The following CCDC7 variants were observed in gnomAD, a reference collection of about 807,000 sequenced individuals.
CCDC7 encodes the protein coiled-coil domain containing 7, also known as coiled-coil domain-containing protein 7.
CCDC7 carries 183 observed loss-of-function variants against 196.9 expected under a neutral mutation model. The observed-to-expected ratio is 0.93, with a 90% CI of 0.82 to 1.05. The LOEUF is 1.05. Ranked by LOEUF, CCDC7 falls within the 50% of genes least tolerant of loss-of-function variation. The pLI is 0.00. For synonymous variants in CCDC7, 525 were observed against 484.6 expected (o/e 1.08, Z -1.10); for missense variants, 1,540 against 1,482.2 (o/e 1.04, Z -0.64).
At chr10:32,644,788 C>A (rs2067460915) in intron 20 of CCDC7, among the ~76,000 whole-genome samples, 1 of 152,318 alleles carries the variant, frequency 6.6e-6, no homozygotes, top group East Asian at 1.9e-4. Context: ...CACCTTCTGA[C>A]ATGATTGTAA....
At chr10:32,676,458 G>A (rs189800709) in intron 21 of CCDC7, among the ~76,000 whole-genome samples, 1,631 of 150,190 alleles carry the variant, frequency 0.011, 14 homozygotes, top group Non-Finnish European at 0.015. Context: ...GAAAATTTTC[G>A]CAACCTACTC....
At chr10:32,464,153 G>C (rs959102876) in intron 5 of CCDC7, among the ~76,000 whole-genome samples, 1 of 152,070 alleles carries the variant, frequency 6.6e-6, no homozygotes, top group Non-Finnish European at 1.5e-5. Flanking sequence ...CATCTCCAAA[G>C]ATCTCTTGGC....
intron 18 of CCDC7, among the ~76,000 whole-genome samples, chr10:32,608,289 T>G (rs1425874640): frequency 6.6e-6 from 1 of 152,148 alleles, no homozygotes; most frequent in Non-Finnish European, 1.5e-5. Flanking sequence ...TTTTAGTATC[T>G]GTGTTTTAGT....
intron 20 of CCDC7, among the ~76,000 whole-genome samples, chr10:32,660,807 C>T (rs1235011759): frequency 1.3e-5 from 2 of 150,266 alleles, no homozygotes; most frequent in African/African-American, 2.5e-5. Flanking sequence ...TTCCTTACAC[C>T]TTATACAAAA....
intron 20 of CCDC7, among the ~76,000 whole-genome samples, chr10:32,646,395 T>C (rs146130492): frequency 0.041 from 6,295 of 152,258 alleles, 131 homozygotes; most frequent in Middle Eastern, 0.065. Context: ...AAAATATACT[T>C]CATATGATTT....
intron 8 of CCDC7, chr10:32,481,746 G>A (rs936962644): frequency 2.0e-5 from 3 of 152,142 alleles, no homozygotes; most frequent in Non-Finnish European, 4.4e-5. Context: ...GTCAGAGAAA[G>A]TATCACTCCT....
At chr10:32,761,288 C>T (rs1393429848) in intron 28 of CCDC7, among the ~76,000 whole-genome samples, 1 of 151,896 alleles carries the variant, frequency 6.6e-6, no homozygotes, top group Non-Finnish European at 1.5e-5. Context: ...TGTGCAGCTA[C>T]TAATAAAGGA....
At chr10:32,761,677 A>C (rs2077487603) in intron 28 of CCDC7, among the ~76,000 whole-genome samples, 1 of 151,986 alleles carries the variant, frequency 6.6e-6, no homozygotes, top group African/African-American at 2.4e-5. Context: ...CCAGAGTCTC[A>C]TCCTGTGAGT....
At chr10:32,824,546 T>A in exon 32 of CCDC7, 3 of 1,612,036 alleles carry the variant, frequency 1.9e-6, no homozygotes, top group Non-Finnish European at 2.5e-6. Context: ...ATAGTACAAC[T>A]GAGAGAGGTA....
At chr10:32,629,964 T>C (rs1176166042) in intron 18 of CCDC7, among the ~76,000 whole-genome samples, 4 of 152,312 alleles carry the variant, frequency 2.6e-5, no homozygotes, top group East Asian at 1.9e-4. Context: ...TTTGGAGTTA[T>C]TGCTGAAGCA....
chr10:32,506,686 C>T lies in CCDC7; in HGVS notation c.873-11259C>T, dbSNP rs544970666. 2.0e-5 allele frequency among the ~76,000 whole-genome samples: 3 copies of T among 152,180 alleles called. No individual in the cohort carries two copies. The South Asian group carries it at 6.2e-4, about 32-fold the overall frequency. ...AGTCAACACGGCGAAACCCCATCTC[C>T]ACCAAAAATACAAAAATCAGTCAGT... On this transcript the variant is annotated intron_variant, in intron 9 of 41. Transcript: ENST00000639629.
At position 32,699,338 on chromosome 10, in the gene CCDC7, A is replaced by G. The variant is rs555821495; in HGVS notation, c.2458+4346A>G. On this transcript the variant is annotated intron_variant, in intron 24 of 41. Transcript: ENST00000639629. ...TTGTCCTTGCCATAGTTTGCTGAGAATGATGGTTTCCAGCTTCATCTATGT... is the reference window on the plus strand; with the variant it reads ...TTGTCCTTGCCATAGTTTGCTGAGAGTGATGGTTTCCAGCTTCATCTATGT... Among the ~76,000 whole-genome samples the G allele has an allele frequency of 2.0e-5, 3 of 151,814 alleles. No homozygotes were observed. The East Asian group carries it at 5.9e-4, about 30-fold the overall frequency.
chr10:32,621,732 G>A (rs1253056939), intron 18 of CCDC7, among the ~76,000 whole-genome samples: 1 of 152,138 alleles, frequency 6.6e-6, no homozygotes, highest in Non-Finnish European at 1.5e-5. Context: ...AATTCCAAGG[G>A]CAGGAGAAGA....
chr10:32,708,439 A>G (rs569561505), intron 24 of CCDC7, among the ~76,000 whole-genome samples: 2 of 152,366 alleles, frequency 1.3e-5, no homozygotes, highest in African/African-American at 4.8e-5. Flanking sequence ...GAACACCAAA[A>G]GCAATGGCAA....
chr10:32,742,479 T>C (rs1230927108), intron 28 of CCDC7, among the ~76,000 whole-genome samples: 1 of 152,210 alleles, frequency 6.6e-6, no homozygotes. Context: ...AAACATCTTT[T>C]GTGCTCTCCC....
chr10:32,694,849 T>C, intron 23 of CCDC7, 30 bp from the exon 25 acceptor site: 1 of 1,339,832 alleles, frequency 7.5e-7, no homozygotes, highest in Non-Finnish European at 1.0e-6. Context: ...TGTTTTTCCA[T>C]TAAGAGACTA....
chr10:32,691,653 T>C (rs2077096508), intron 23 of CCDC7, among the ~76,000 whole-genome samples: 1 of 152,108 alleles, frequency 6.6e-6, no homozygotes, highest in African/African-American at 2.4e-5. Flanking sequence ...CCATCAGTGA[T>C]CTTAGAGACA....
intron 5 of CCDC7, among the ~76,000 whole-genome samples, chr10:32,467,358 C>A (rs183651200): frequency 8.6e-5 from 13 of 152,022 alleles, no homozygotes; most frequent in Admixed American, 3.3e-4. Flanking sequence ...GCAATCTGCC[C>A]GCCTCAGCCT....
At chr10:32,728,015 T>C (rs1592107839) in intron 26 of CCDC7, among the ~76,000 whole-genome samples, 1 of 152,142 alleles carries the variant, frequency 6.6e-6, no homozygotes, top group Non-Finnish European at 1.5e-5. Context: ...TCATCATGGG[T>C]ATGCCCAAGC....
Sources: gnomAD v4.1 joint callset for allele counts (sites outside exome capture counted in the v4.1 genomes callset) on GRCh38, gnomAD v4.1.1 for gene constraint, MANE v1.5 for transcripts, NCBI Gene and HGNC (gene_info 2026-07-23, HGNC 2026-07-21) for gene names.